Variants in CCDC171 observed in about 807,000 individuals in gnomAD.
The protein encoded by CCDC171 is coiled-coil domain-containing protein 171.
In CCDC171, 177 loss-of-function variants were observed where a neutral mutation model predicts 168.2. That is an observed-to-expected ratio of 1.05 (90% CI 0.93 to 1.19). The LOEUF (loss-of-function observed/expected upper bound fraction) is 1.19. Ranked by LOEUF, CCDC171 falls within the 50% of genes most tolerant of loss-of-function variation. The pLI is 0.00. For synonymous variants in CCDC171, 687 were observed against 540.8 expected, an observed-to-expected ratio of 1.27 and a Z score of -3.75; for missense variants, 1,991 against 1,539.0, an observed-to-expected ratio of 1.29 and a Z score of -4.91.
chr9:15,652,405 A>G (rs2047594625), intron 7 of CCDC171, among the ~76,000 whole-genome samples: 2 of 150,854 alleles, frequency 1.3e-5, no homozygotes, highest in African/African-American at 4.9e-5. Context: ...ATGAATCTAT[A>G]TGTGTATCCT....
At chr9:15,666,870 A>G (rs2048771883) in intron 9 of CCDC171, among the ~76,000 whole-genome samples, 1 of 152,186 alleles carries the variant, frequency 6.6e-6, no homozygotes, top group Admixed American at 6.5e-5. Context: ...AAACTACAGA[A>G]ATAATAATAA....
intron 3 of CCDC171, among the ~76,000 whole-genome samples, chr9:16,012,452 C>T (rs1206111007): frequency 6.6e-6 from 1 of 152,074 alleles, no homozygotes; most frequent in Admixed American, 6.6e-5. Flanking sequence ...GGGCCTCTTA[C>T]CATTTTTCTT....
chr9:15,619,203 G>C (rs1336260997), intron 6 of CCDC171, among the ~76,000 whole-genome samples: 1 of 152,156 alleles, frequency 6.6e-6, no homozygotes, highest in African/African-American at 2.4e-5. Flanking sequence ...TCAAGTGAAA[G>C]GAAGGCTCAC....
At chr9:15,953,298 A>G (rs925112431) in intron 25 of CCDC171, among the ~76,000 whole-genome samples, 1 of 152,192 alleles carries the variant, frequency 6.6e-6, no homozygotes, top group Admixed American at 6.5e-5. Flanking sequence ...ATTGAGTAAG[A>G]TATATGCTCC....
At chr9:15,670,835 C>A (rs900634421) in intron 9 of CCDC171, among the ~76,000 whole-genome samples, 7 of 152,054 alleles carry the variant, frequency 4.6e-5, no homozygotes, top group Admixed American at 1.3e-4. Context: ...TACATAAGAG[C>A]TGCTAAATAA....
chr9:15,630,447 A>G (rs570693689), intron 7 of CCDC171, among the ~76,000 whole-genome samples: 1,751 of 152,320 alleles, frequency 0.011, 17 homozygotes, highest in Non-Finnish European at 0.019. Context: ...ACATAATGGT[A>G]AAAGGATCAA....
rs570421154 is a variant in CCDC171, at chr9:15,872,747, A to G, written c.3469-1785A>G. Among the ~76,000 whole-genome samples the G allele has an allele frequency of 1.8e-3, 273 of 152,162 alleles. 1 individual carries two copies. The highest frequency in any genetic ancestry group is 6.3e-3 in the African/African-American group (263 of 41,572). ...TATTTAGATCTATTGACTGTGGTTC[A>G]GAAGGGTAGAAGGCAAAACACTAGT... On this transcript the variant is annotated intron_variant, in intron 23 of 25. Transcript: ENST00000380701.
chr9:15,955,302 G>A (rs775406043), intron 25 of CCDC171, among the ~76,000 whole-genome samples: 3 of 152,152 alleles, frequency 2.0e-5, no homozygotes, highest in Non-Finnish European at 4.4e-5. Context: ...ATGAAGAGGA[G>A]GGAAGAAAGG....
chr9:15,786,345 A>G (rs1179037809), intron 21 of CCDC171, among the ~76,000 whole-genome samples: 2 of 152,248 alleles, frequency 1.3e-5, no homozygotes, highest in South Asian at 2.1e-4. Context: ...ATAAATATTC[A>G]TTGTGGAAAA....
intron 16 of CCDC171, among the ~76,000 whole-genome samples, chr9:15,730,946 A>G (rs1052194504): frequency 6.6e-6 from 1 of 152,008 alleles, no homozygotes; most frequent in Non-Finnish European, 1.5e-5. Context: ...TATTTATTTG[A>G]TATGTAATAT....
chr9:15,725,413 T>C (rs2053735369), intron 14 of CCDC171, among the ~76,000 whole-genome samples: 2 of 152,178 alleles, frequency 1.3e-5, no homozygotes, highest in Non-Finnish European at 2.9e-5. Flanking sequence ...GTGGACAAGC[T>C]ATATAGCTTA....
At chr9:15,649,003 C>T (rs1352355645) in intron 7 of CCDC171, among the ~76,000 whole-genome samples, 1 of 152,144 alleles carries the variant, frequency 6.6e-6, no homozygotes, top group Admixed American at 6.5e-5. Flanking sequence ...AACTATACTA[C>T]AAGGCTACAG....
chr9:15,992,060 T>C (rs1832218637), intron 3 of CCDC171, among the ~76,000 whole-genome samples: 1 of 152,084 alleles, frequency 6.6e-6, no homozygotes, highest in Admixed American at 6.5e-5. Context: ...AAAGAAGGAA[T>C]CCTCCCTAAC....
intron 24 of CCDC171, among the ~76,000 whole-genome samples, chr9:15,908,463 C>T (rs1157722814): frequency 7.2e-6 from 1 of 138,180 alleles, no homozygotes; most frequent in Non-Finnish European, 1.5e-5. Context: ...AATGAGAACA[C>T]ATGGACACAG....
chr9:15,576,490 C>A (rs2040676533), intron 3 of CCDC171, among the ~76,000 whole-genome samples: 1 of 152,004 alleles, frequency 6.6e-6, no homozygotes, highest in Admixed American at 6.6e-5. Context: ...ACCTGGCCAG[C>A]ATTTTAATTT....
At position 15,816,436 on chromosome 9, in the gene CCDC171, T is replaced by C. The variant is rs751815730; in HGVS notation, c.3268-30266T>C. 1.7e-5 allele frequency among the ~76,000 whole-genome samples: 2 copies of C among 119,178 alleles called. 1 individual carries two copies. The highest frequency in any genetic ancestry group is 6.3e-5 in the African/African-American group (2 of 31,976). 78.2% of individuals were successfully genotyped at this position (119,178 alleles called of 152,430 possible). A position where few individuals can be genotyped will look rare whatever the true frequency, so the allele number is the denominator to read the frequency against. ...ATTTTGGCAAATAAAACTGGAAATA[T>C]GCTATGCATAGTTTCATATCTTGTT... is the stretch of plus-strand genomic sequence containing the variant. On this transcript the variant is annotated intron_variant, in intron 21 of 25. Coordinates refer to ENST00000380701, the MANE Select transcript of CCDC171 (RefSeq NM_173550.4).
Position 16,017,776 on chromosome 9 carries a change from C to G in CCDC171, n.369-2813C>G, listed in dbSNP as rs541802837. Among the ~76,000 whole-genome samples, 181 of 152,258 alleles carry G rather than the reference C, an allele frequency of 1.2e-3. 1 individual carries two copies. In the South Asian group the frequency reaches 0.016, roughly 13 times the overall value. On this transcript the variant is annotated intron_variant and non_coding_transcript_variant, in intron 3 of 9. Coordinates refer to the CCDC171 transcript ENST00000486641. ...AGGTTCAGTAGCAAGAAATAGAATT[C>G]ACCTAGCTTACAAATATTTATTTCA... is the stretch of plus-strand genomic sequence containing the variant.
chr9:15,648,229 G>C lies in CCDC171; in HGVS notation c.823-8898G>C, dbSNP rs190369183. Among the ~76,000 whole-genome samples, 10 of 152,214 alleles carry C rather than the reference G, an allele frequency of 6.6e-5. 1 individual carries two copies. The East Asian group carries it at 9.6e-4, about 15-fold the overall frequency. On this transcript the variant is annotated intron_variant, in intron 7 of 25. Transcript: ENST00000380701. The stretch of plus-strand genomic sequence containing the variant: ...ATGCTAAAAACTCTCAATAAATTAG[G>C]TATTGATGGGACGTATCTCAAAATA...
intron 18 of CCDC171, among the ~76,000 whole-genome samples, chr9:15,770,090 A>T (rs551379619): frequency 6.6e-6 from 1 of 152,316 alleles, no homozygotes; most frequent in Non-Finnish European, 1.5e-5. Flanking sequence ...GAAGCCCTCC[A>T]CTATGTTGTA....
Sources: gnomAD v4.1 joint callset for allele counts (sites outside exome capture counted in the v4.1 genomes callset) on GRCh38, gnomAD v4.1.1 for gene constraint, MANE v1.5 for transcripts, NCBI Gene and HGNC (gene_info 2026-07-23, HGNC 2026-07-21) for gene names.